TCF20: variants seen among roughly 807,000 people sequenced by gnomAD.
TCF20 encodes transcription factor 20.
A neutral mutation model predicts 148.6 loss-of-function variants in TCF20; 3 were observed. The observed-to-expected ratio is 0.02, with a 90% CI of 0.01 to 0.05. The LOEUF is 0.05. TCF20 is among the 10% of genes least tolerant of loss of function. The pLI, the probability that TCF20 is intolerant of heterozygous loss-of-function variation, is 1.00. For missense variants in TCF20, 2,350 were observed against 2,429.3 expected (o/e 0.97, Z 0.69); for synonymous variants, 1,049 against 909.5 (o/e 1.15, Z -2.76).
chr22:42,305,080 G>C (rs781257743), intron 1 of TCF20, among the ~76,000 whole-genome samples: 7 of 152,064 alleles, frequency 4.6e-5, no homozygotes, highest in Non-Finnish European at 1.0e-4. Context: ...CCATGGGAGA[G>C]AGAAAGCAGG....
At chr22:42,235,421 T>C (rs978831148) in intron 1 of TCF20, among the ~76,000 whole-genome samples, 10 of 152,070 alleles carry the variant, frequency 6.6e-5, no homozygotes, top group African/African-American at 2.4e-4. Context: ...ACACCATCTC[T>C]CTCCTGAAGT....
At chr22:42,200,674 T>C (rs1937946121) in intron 2 of TCF20, among the ~76,000 whole-genome samples, 1 of 151,706 alleles carries the variant, frequency 6.6e-6, no homozygotes, top group South Asian at 2.1e-4. Context: ...CTATCAACTT[T>C]GAATCCCTAA....
rs1927292485 is a variant in TCF20 at position 42,299,426 on chromosome 22, C to G, written c.-37+44053G>C. Among the ~76,000 whole-genome samples, 2 of 152,226 alleles carry G rather than the reference C, an allele frequency of 1.3e-5. No homozygotes were observed. Among genetic ancestry groups the G allele is most frequent in the South Asian group, 2.1e-4 (1 of 4,838 alleles). ...GACTCTCTCTCCCATCTCCCCTCCC[C>G]ACTCCTAGCCAACCTCCAATGCCCT... On this transcript the variant is annotated intron_variant, in intron 1 of 1. Coordinates refer to the TCF20 transcript ENST00000515426. The surrounding 1 kb of genome is among the most constrained non-coding windows in gnomAD (Gnocchi z 4.1).
At chr22:42,178,529 A>G (rs1936577972) in intron 3 of TCF20, among the ~76,000 whole-genome samples, 1 of 151,776 alleles carries the variant, frequency 6.6e-6, no homozygotes, top group South Asian at 2.1e-4. Flanking sequence ...TAAAAAGACA[A>G]CTCAGAGAAT....
At chr22:42,235,141 C>CAAAAA (rs34834610) in intron 1 of TCF20, among the ~76,000 whole-genome samples, 13 of 109,238 alleles carry the variant, frequency 1.2e-4, no homozygotes, top group African/African-American at 4.9e-4. Context: ...GACTCTGTCT[C>CAAAAA]AAAAAAAAAA....
chr22:42,164,591 T>A (rs1012788331), intron 5 of TCF20, among the ~76,000 whole-genome samples: 4 of 152,220 alleles, frequency 2.6e-5, no homozygotes, highest in Admixed American at 2.6e-4. Flanking sequence ...CGCTCTGGGC[T>A]AGGCTTTGAT....
At chr22:42,242,218 A>AAAAAAAAAC (rs1555942528) in intron 1 of TCF20, among the ~76,000 whole-genome samples, 124 of 142,618 alleles carry the variant, frequency 8.7e-4, no homozygotes, top group African/African-American at 3.3e-3. Context: ...AAAAAAAAAA[A>AAAAAAAAAC]AAAAAAAAAC....
chr22:42,170,767 T>G (rs901856350), intron 3 of TCF20, among the ~76,000 whole-genome samples: 4 of 152,124 alleles, frequency 2.6e-5, no homozygotes, highest in African/African-American at 7.2e-5. Flanking sequence ...ATAAATGCTA[T>G]TTTAAAAATC....
intron 1 of TCF20, among the ~76,000 whole-genome samples, chr22:42,277,958 A>G (rs1042383959): frequency 1.3e-5 from 2 of 152,266 alleles, no homozygotes; most frequent in East Asian, 1.9e-4. Flanking sequence ...CTCCAAAAAC[A>G]TACGTGGGTT....
At position 42,210,909 on chromosome 22, in the gene TCF20, G is replaced by C; in HGVS notation, c.4397C>G (p.Ser1466Cys). 1 of 1,614,172 alleles carries C rather than the reference G, an allele frequency of 6.2e-7. No homozygotes were observed. Among genetic ancestry groups the C allele is most frequent in the Non-Finnish European group, 8.5e-7 (1 of 1,180,034 alleles). ...ACTACCAGGCTTCTGTGAGGTTGTG[G>C]ATGTCATGGCACCAGGGGGTTCCTT... ...AGKEPPGAMT[S>C]TTSQKPGSNQ... Residue 1466 changes from serine to cysteine, a missense_variant, in exon 2 of 6, where the codon TCC becomes TGC. Physicochemically the swap from Ser to Cys is moderately radical, Grantham distance 112. Around this residue, in one of 7 missense-constraint regions of TCF20, gnomAD observed 231 missense variants for 213.7 expected, o/e 1.08. Coordinates refer to ENST00000677622, the MANE Select transcript of TCF20 (RefSeq NM_001378418.1). The surrounding 1 kb of genome is among the most constrained non-coding windows in gnomAD (Gnocchi z 4.7).
intron 2 of TCF20, among the ~76,000 whole-genome samples, chr22:42,190,886 G>A (rs1398457597): frequency 6.6e-6 from 1 of 152,182 alleles, no homozygotes; most frequent in Non-Finnish European, 1.5e-5. Context: ...ATCACACATG[G>A]TATGAACTTC....
intron 1 of TCF20, among the ~76,000 whole-genome samples, chr22:42,296,149 G>A (rs1418494823): frequency 6.6e-6 from 1 of 152,190 alleles, no homozygotes; most frequent in Non-Finnish European, 1.5e-5. Context: ...TGCCTGGCAG[G>A]TGAGTGCTTG....
rs1926852939 is a variant in TCF20, at chr22:42,279,464, G to A, written c.-37+4363C>T. Among the ~76,000 whole-genome samples, 1 of 152,120 alleles carries A rather than the reference G, an allele frequency of 6.6e-6. No homozygotes were observed. Among genetic ancestry groups the A allele is most frequent in the Non-Finnish European group, 1.5e-5 (1 of 68,032 alleles). On this transcript the variant is annotated intron_variant, in intron 1 of 5. Transcript: ENST00000359486. The surrounding 1 kb of genome is among the most constrained non-coding windows in gnomAD (Gnocchi z 4.3). ...TGCACTCCAGTCTGGGCAACAGAGCGACTCCCTCTCAATAAATAAAATAAA... is the reference window on the plus strand; with the variant it reads ...TGCACTCCAGTCTGGGCAACAGAGCAACTCCCTCTCAATAAATAAAATAAA...
chr22:42,304,158 A>C (rs1040915077), intron 1 of TCF20, among the ~76,000 whole-genome samples: 1 of 152,076 alleles, frequency 6.6e-6, no homozygotes, highest in African/African-American at 2.4e-5. Context: ...TCCCACTGGG[A>C]GATCCCCATC....
intron 1 of TCF20, among the ~76,000 whole-genome samples, chr22:42,228,078 T>C (rs1336487773): frequency 6.6e-6 from 1 of 152,156 alleles, no homozygotes; most frequent in African/African-American, 2.4e-5. Flanking sequence ...TTTGGAGGGT[T>C]TTAAACTATA....
In TCF20 at chr22:42,303,875, G is replaced by T. The variant is rs367670477; in HGVS notation, c.-37+39604C>A. 5.3e-5 allele frequency among the ~76,000 whole-genome samples: 8 copies of T among 151,536 alleles called. No individual in the cohort carries two copies. The East Asian group carries it at 1.6e-3, about 29-fold the overall frequency. The stretch of plus-strand genomic sequence containing the variant: ...AGAGGGGAATGTGGAGAGGAGGGGA[G>T]CGGGGAAAGAAAAGGGGGAGAGGGG... On this transcript the variant is annotated intron_variant, in intron 1 of 1. Coordinates refer to the TCF20 transcript ENST00000515426.
In TCF20 at chr22:42,211,840, T is replaced by C. The variant is rs776421219; in HGVS notation, c.3466A>G (p.Ser1156Gly). ...AGGCAGCGCCCAGCCTCCTGGGCACTGGGGTCATGGTAAGTCCCCACTGGT... is the reference window on the plus strand; with the variant it reads ...AGGCAGCGCCCAGCCTCCTGGGCACCGGGGTCATGGTAAGTCCCCACTGGT... ...GPPVGTYHDP[S>G]AQEAGRCLMS... Residue 1156 changes from serine (S) to glycine (G), a missense_variant, in exon 2 of 6, where the codon AGT becomes GGT. By Grantham distance (56) the Ser-to-Gly change is moderately conservative (BLOSUM62 0). This residue lies in a region of TCF20 where 1,641 missense variants were observed against 1,662.6 expected (regional missense o/e 0.99). Coordinates refer to ENST00000677622, the MANE Select transcript of TCF20 (RefSeq NM_001378418.1). 13 of 1,614,196 alleles carry C rather than the reference T, an allele frequency of 8.1e-6. No homozygotes were observed. The highest frequency in any genetic ancestry group is 1.0e-5 in the Non-Finnish European group (12 of 1,180,034).
intron 2 of TCF20, among the ~76,000 whole-genome samples, chr22:42,194,906 C>T (rs1937515866): frequency 6.6e-6 from 1 of 151,822 alleles, no homozygotes; most frequent in Non-Finnish European, 1.5e-5. Flanking sequence ...TCCACACTTA[C>T]ACAGACCTCA....
intron 4 of TCF20, 91 bp from the exon 5 acceptor site, chr22:42,168,827 G>A (rs1370658056): frequency 7.0e-7 from 1 of 1,435,728 alleles, no homozygotes. Flanking sequence ...AGTGGCACAT[G>A]GAAAAGGAAA....
Sources: allele counts gnomAD v4.1 joint callset (sites outside exome capture counted in the v4.1 genomes callset), GRCh38; gene constraint gnomAD v4.1.1; regional missense constraint gnomAD v4.1.1; non-coding constraint Gnocchi (gnomAD v3.1); transcripts MANE v1.5; gene names NCBI Gene and HGNC (gene_info 2026-07-23, HGNC 2026-07-21).